The following NLRP2 variants were observed in gnomAD, a reference collection of about 807,000 sequenced individuals.
NLRP2 encodes NLR family pyrin domain containing 2, also known as NACHT, LRR and PYD domains-containing protein 2.
A neutral mutation model predicts 97.2 loss-of-function variants in NLRP2; 107 were observed. The observed-to-expected ratio is 1.10, with a 90% confidence interval of 0.94 to 1.29. NLRP2 has a LOEUF of 1.29. NLRP2 is among the 50% of genes most tolerant of loss of function. The pLI is 0.00. For missense variants in NLRP2, 1,495 were observed against 1,330.3 expected, an observed-to-expected ratio of 1.12 and a Z score of -1.93; for synonymous variants, 663 against 551.5, an observed-to-expected ratio of 1.20 and a Z score of -2.83.
intron 10 of NLRP2, among the ~76,000 whole-genome samples, chr19:54,992,128 G>T (rs1017203575): frequency 1.3e-5 from 2 of 151,502 alleles, no homozygotes; most frequent in Admixed American, 6.6e-5. Context: ...TGTTGGCCAG[G>T]TTGGTCTCGA....
intron 11 of NLRP2, among the ~76,000 whole-genome samples, chr19:54,995,538 C>A (rs1219470272): frequency 3.3e-5 from 5 of 151,408 alleles, no homozygotes; most frequent in African/African-American, 7.3e-5. Flanking sequence ...GAGCTGAGAT[C>A]CTGTCACTAC....
In NLRP2 at chr19:54,982,231, A is replaced by G. The variant is rs774425989; in HGVS notation, c.533A>G (p.Asp178Gly). 2 of 1,614,104 alleles carry G rather than the reference A, an allele frequency of 1.2e-6. No individual in the cohort carries two copies. Among genetic ancestry groups the G allele is most frequent in the East Asian group, 4.5e-5 (2 of 44,886 alleles). The change falls in exon 6 of 13, where the codon GAT becomes GGT. Residue 178 changes from aspartate (D) to glycine (G), a missense_variant. Coordinates refer to ENST00000448584, the MANE Select transcript of NLRP2 (RefSeq NM_017852.5). Reference sequence around the variant, plus strand: ...GAGATGTGGAAGAGCTGGCCTGGAGATAGCAAAGAGGTCCAGGTTATGGCT... The same window carrying G: ...GAGATGTGGAAGAGCTGGCCTGGAGGTAGCAAAGAGGTCCAGGTTATGGCT... The part of the protein sequence containing the change: ...FREMWKSWPG[D>G]SKEVQVMAER...
At chr19:54,996,094 G>T (rs987154862) in intron 11 of NLRP2, among the ~76,000 whole-genome samples, 1 of 149,440 alleles carries the variant, frequency 6.7e-6, no homozygotes, top group Non-Finnish European at 1.5e-5. Context: ...TCACTGACAC[G>T]TGTAGAGGAG....
chr19:54,974,763 G>A (rs920892745), intron 3 of NLRP2, among the ~76,000 whole-genome samples: 15 of 152,134 alleles, frequency 9.9e-5, no homozygotes, highest in African/African-American at 3.1e-4. Flanking sequence ...CATACAAAGC[G>A]GGGAAGGGTA....
intron 4 of NLRP2, 96 bp downstream of exon 4, chr19:54,977,919 A>G (rs1019818621): frequency 3.8e-5 from 42 of 1,115,618 alleles, no homozygotes; most frequent in Middle Eastern, 3.9e-4. Flanking sequence ...TCTCTCTCCA[A>G]TCTTTTCCTC....
At position 54,985,068 on chromosome 19, in the gene NLRP2, G is replaced by C; in HGVS notation, c.2052G>C (p.Met684Ile). The change falls in exon 7 of 13, where the codon ATG (methionine) becomes ATC (isoleucine). Residue 684 changes from methionine to isoleucine, a missense_variant. Coordinates refer to ENST00000448584, the MANE Select transcript of NLRP2 (RefSeq NM_017852.5). ...EVERSQDDQH[M>I]LPFWTDLCSI... is the part of the protein sequence containing the mutation. ...ATAGATCCCAGGATGATCAGCACAT[G>C]CTTCCTTTCTGGACGGACCTTTGTT... The C allele has an allele frequency of 6.2e-7, 1 of 1,614,098 alleles. No homozygotes were observed. The highest frequency in any genetic ancestry group is 8.5e-7 in the Non-Finnish European group (1 of 1,180,028).
At chr19:54,978,922 TAC>T (rs1397687378) in intron 4 of NLRP2, among the ~76,000 whole-genome samples, 2 of 152,038 alleles carry the variant, frequency 1.3e-5, no homozygotes, top group African/African-American at 2.4e-5. Context: ...ATAAACAACT[TAC>T]AGAGAAAATT....
Position 54,990,581 on chromosome 19 carries a change from C to T in NLRP2, c.2617C>T (p.Leu873=). 1 of 1,614,164 alleles carries T rather than the reference C, an allele frequency of 6.2e-7. No individual in the cohort carries two copies. The highest frequency in any genetic ancestry group is 8.5e-7 in the Non-Finnish European group (1 of 1,180,016). Reference sequence around the variant, plus strand: ...GGTTGTCAGCCGGGAGCTGACACACCTGTGCTTGGCCAAGAACCCCATTGG... The same window carrying T: ...GGTTGTCAGCCGGGAGCTGACACACTTGTGCTTGGCCAAGAACCCCATTGG... ...VLVVSRELTH[L]CLAKNPIGNT... The change falls in exon 10 of 13, where the codon CTG becomes TTG. Residue 873 remains leucine, a synonymous_variant. Transcript: ENST00000448584.
At chr19:54,986,547 C>CT in intron 8 of NLRP2, 1 of 525,594 alleles carries the variant, frequency 1.9e-6, no homozygotes, top group Admixed American at 3.3e-5. Context: ...CTCCCAGAAT[C>CT]TTTATCATCT....
At chr19:54,973,344 G>GTTTTTTTT (rs10673643) in intron 2 of NLRP2, among the ~76,000 whole-genome samples, 27 of 92,496 alleles carry the variant, frequency 2.9e-4, no homozygotes, top group African/African-American at 4.9e-4. Context: ...ATGGGTGAGG[G>GTTTTTTTT]TTTTTTTTTT....
chr19:54,965,526 G>A (rs1282557858), upstream of NLRP2: 1 of 97,260 alleles, frequency 1.0e-5, no homozygotes, highest in Admixed American at 1.0e-4. Flanking sequence ...CGCGATCTCT[G>A]CTCACTGCAA....
chr19:54,983,071 T>G lies in NLRP2; in HGVS notation c.1373T>G (p.Leu458Arg). The change falls in exon 6 of 13, where the codon CTG becomes CGG. Residue 458 changes from leucine to arginine, a missense_variant. Leu to Arg is a moderately radical substitution (Grantham distance 102, BLOSUM62 -2). Transcript: ENST00000448584. ...CTGAGCCTCCTGGCCGCGCAGGGCC[T>G]GTGGGCGCAGACGTCCGTGCTTCAC... is the stretch of plus-strand genomic sequence containing the variant. ...RTLSLLAAQG[L>R]WAQTSVLHRE... 2 of 1,612,462 alleles carry G rather than the reference T, an allele frequency of 1.2e-6. No individual in the cohort carries two copies. The highest frequency in any genetic ancestry group is 2.2e-5 in the East Asian group (1 of 44,834).
intron 1 of NLRP2, 56 bp from the exon 2 acceptor site, chr19:54,969,943 G>A: frequency 6.4e-7 from 1 of 1,555,634 alleles, no homozygotes; most frequent in Non-Finnish European, 8.9e-7. Context: ...ACTGGCATTT[G>A]AGACAGGAGT....
At chr19:54,999,668 TGA>T (rs1242860918) in intron 12 of NLRP2, among the ~76,000 whole-genome samples, 1 of 152,102 alleles carries the variant, frequency 6.6e-6, no homozygotes, top group East Asian at 1.9e-4. Context: ...TCAACATGGT[TGA>T]GAATAAGAGG....
Position 54,970,142 on chromosome 19 carries a change from C to T in NLRP2, c.127C>T (p.Pro43Ser). ...FSLAHELQKI[P>S]HKEVDKADGK... ...CCTGGCACACGAGCTCCAGAAGATC[C>T]CCCACAAGGAGGTAGACAAGGCTGA... is the stretch of plus-strand genomic sequence containing the variant. Residue 43 changes from proline (P) to serine (S), a missense_variant, in exon 2 of 13, where the codon CCC becomes TCC. Pro to Ser is a moderately conservative substitution (Grantham distance 74, BLOSUM62 -1). Transcript: ENST00000448584. 6.2e-7 allele frequency: 1 copy of T among 1,614,058 alleles called. No homozygotes were observed.
intron 3 of NLRP2, 48 bp from the exon 4 acceptor site, chr19:54,977,704 C>A: frequency 6.3e-7 from 1 of 1,588,890 alleles, no homozygotes; most frequent in Non-Finnish European, 8.6e-7. Flanking sequence ...TCTTGGAGTC[C>A]CACTGCCAGC....
Position 54,983,094 on chromosome 19 carries a change from C to A in NLRP2, c.1396C>A (p.His466Asn), listed in dbSNP as rs1300442787. ...QGLWAQTSVL[H>N]REDLERLGVQ... ...CCTGTGGGCGCAGACGTCCGTGCTT[C>A]ACCGAGAGGATCTGGAAAGGCTCGG... Residue 466 changes from histidine to asparagine, a missense_variant, in exon 6 of 13, where the codon CAC (histidine) becomes AAC (asparagine). Physicochemically the swap from His to Asn is moderately conservative, Grantham distance 68. Coordinates refer to ENST00000448584, the MANE Select transcript of NLRP2 (RefSeq NM_017852.5). 5.0e-6 allele frequency: 8 copies of A among 1,613,274 alleles called. No individual in the cohort carries two copies. The highest frequency in any genetic ancestry group is 1.7e-5 in the Admixed American group (1 of 60,004).
intron 1 of NLRP2, among the ~76,000 whole-genome samples, chr19:54,967,474 CTG>C (rs2070532396): frequency 6.6e-6 from 1 of 152,178 alleles, no homozygotes; most frequent in South Asian, 2.1e-4. Context: ...AAGAGAGAAA[CTG>C]TCTCAAAAAA....
intron 3 of NLRP2, chr19:54,976,812 CTTTTT>C (rs530895836): frequency 1.5e-4 from 48 of 329,162 alleles, no homozygotes; most frequent in Non-Finnish European, 1.8e-4. Flanking sequence ...TGTTCTCTCT[CTTTTT>C]TTTTTTTTTT....
Sources: gnomAD v4.1 joint callset for allele counts (sites outside exome capture counted in the v4.1 genomes callset) on GRCh38, gnomAD v4.1.1 for gene constraint, MANE v1.5 for transcripts, NCBI Gene and HGNC (gene_info 2026-07-23, HGNC 2026-07-21) for gene names.